Variants in TIAM1 observed in about 807,000 individuals in gnomAD.
The protein encoded by TIAM1 is rho guanine nucleotide exchange factor TIAM1.
Under a neutral mutation model 163.5 loss-of-function variants are expected in TIAM1, and 65 were observed. The ratio of observed to expected loss-of-function variants is 0.40; its 90% CI spans 0.33 to 0.49. TIAM1 has a LOEUF of 0.49. TIAM1 is among the 20% of genes least tolerant of loss of function. TIAM1 has a pLI of 0.77. For missense variants in TIAM1, 1,789 were observed against 2,044.7 expected, an observed-to-expected ratio of 0.87 and a Z score of 2.41; for synonymous variants, 833 against 810.1, an observed-to-expected ratio of 1.03 and a Z score of -0.48.
intron 2 of TIAM1, among the ~76,000 whole-genome samples, chr21:31,305,218 G>A (rs1412398336): frequency 6.6e-6 from 1 of 152,124 alleles, no homozygotes; most frequent in Non-Finnish European, 1.5e-5. Flanking sequence ...TATAAACAAT[G>A]TTTTAAATTA....
intron 2 of TIAM1, among the ~76,000 whole-genome samples, chr21:31,369,440 C>T (rs2076558136): frequency 6.6e-6 from 1 of 151,924 alleles, no homozygotes; most frequent in Admixed American, 6.6e-5. Context: ...GGAAAGGTTG[C>T]TTAACAGATA....
chr21:31,478,025 G>A (rs1338801247), intron 1 of TIAM1, among the ~76,000 whole-genome samples: 2 of 152,206 alleles, frequency 1.3e-5, no homozygotes, highest in East Asian at 1.9e-4. Flanking sequence ...CAGTGCATGC[G>A]CACAGGTGAT....
intron 1 of TIAM1, among the ~76,000 whole-genome samples, chr21:31,483,106 C>T (rs1246249419): frequency 6.6e-6 from 1 of 152,206 alleles, no homozygotes; most frequent in African/African-American, 2.4e-5. Flanking sequence ...GGCTGTCTCT[C>T]TGGCTCCTTC....
At chr21:31,426,024 C>T (rs551145899) in intron 2 of TIAM1, among the ~76,000 whole-genome samples, 1 of 152,198 alleles carries the variant, frequency 6.6e-6, no homozygotes, top group African/African-American at 2.4e-5. Context: ...TAAACCACCG[C>T]GCCCAGACCA....
chr21:31,246,543 C>T (rs188338633), intron 5 of TIAM1, among the ~76,000 whole-genome samples: 3 of 150,968 alleles, frequency 2.0e-5, no homozygotes, highest in Non-Finnish European at 2.9e-5. Context: ...ATAAGCTGTC[C>T]GTCCATTTTC....
intron 1 of TIAM1, among the ~76,000 whole-genome samples, chr21:31,511,284 C>T (rs189891374): frequency 2.8e-4 from 42 of 152,342 alleles, no homozygotes; most frequent in Non-Finnish European, 5.9e-4. Flanking sequence ...AAGGTTCAGA[C>T]CTCTTGAGGC....
Position 31,165,017 on chromosome 21 carries a change from T to C in TIAM1, c.2936A>G (p.Glu979Gly). The change falls in exon 16 of 28, where the codon GAG becomes GGG. Residue 979 changes from glutamate (E) to glycine (G), a missense_variant. Transcript: ENST00000541036. Reference protein sequence around the residue: ...EQGSSAETAPEETEGPDLESS... With the variant: ...EQGSSAETAPGETEGPDLESS... ...TTCCAAGTCTGGCCCCTCGGTCTCC[T>C]CTGGAGCGGTCTCAGCACTGCTGCC... is the stretch of plus-strand genomic sequence containing the variant. 1 of 1,614,190 alleles carries C rather than the reference T, an allele frequency of 6.2e-7. No homozygotes were observed. The highest frequency in any genetic ancestry group is 2.2e-5 in the East Asian group (1 of 44,882).
At chr21:31,512,617 CT>C (rs35338359) in intron 1 of TIAM1, among the ~76,000 whole-genome samples, 79 of 121,742 alleles carry the variant, frequency 6.5e-4, no homozygotes, top group Non-Finnish European at 6.8e-4. Context: ...TTTTTCTTTT[CT>C]TTTTTTTTTT....
intron 1 of TIAM1, among the ~76,000 whole-genome samples, chr21:31,528,178 G>C (rs1425318267): frequency 6.6e-6 from 1 of 152,174 alleles, no homozygotes; most frequent in African/African-American, 2.4e-5. Context: ...TTCCAGGGAA[G>C]AGGCAGCACT....
intron 1 of TIAM1, among the ~76,000 whole-genome samples, chr21:31,524,404 C>T (rs1480524012): frequency 6.6e-6 from 1 of 152,098 alleles, no homozygotes; most frequent in Non-Finnish European, 1.5e-5. Flanking sequence ...AAGAGGGATC[C>T]GCCCCCACAA....
At chr21:31,144,868 A>G (rs1170315886) in intron 20 of TIAM1, among the ~76,000 whole-genome samples, 1 of 151,418 alleles carries the variant, frequency 6.6e-6, no homozygotes, top group Non-Finnish European at 1.5e-5. Flanking sequence ...GAAAAGAAAA[A>G]TATGGGTCAT....
chr21:31,558,599 G>T (rs969661464), intron 1 of TIAM1, among the ~76,000 whole-genome samples: 1 of 152,134 alleles, frequency 6.6e-6, no homozygotes, highest in Non-Finnish European at 1.5e-5. Context: ...TCCTGCTGCC[G>T]AGAGGACCGA....
chr21:31,147,019 A>G lies in TIAM1; in HGVS notation c.3367-16T>C. ...ACAGCACTTTCTGGATTTGACGAGA[A>G]AAGGCACAGTTGGTTGTTTCCTTCC... On this transcript the variant is annotated splice_polypyrimidine_tract_variant and intron_variant, in intron 19 of 27. Coordinates refer to ENST00000541036, the MANE Select transcript of TIAM1 (RefSeq NM_001353694.2). 4.4e-6 allele frequency: 7 copies of G among 1,608,486 alleles called. No individual in the cohort carries two copies. The highest frequency in any genetic ancestry group is 6.0e-6 in the Non-Finnish European group (7 of 1,175,090).
rs1312349357 is a variant in TIAM1 at position 31,141,104 on chromosome 21, A to T, written c.3774+14T>A. On this transcript the variant is annotated intron_variant, in intron 22 of 27. Coordinates refer to ENST00000541036, the MANE Select transcript of TIAM1 (RefSeq NM_001353694.2). This position sits in a 1 kb window ranked among gnomAD's most constrained non-coding sequence, Gnocchi z 4.7. ...CTTTCCTGACAGATGTCCTGAGAAGATGGGGACCCTCACCTCTTTTTTCTC... is the reference window on the plus strand; with the variant it reads ...CTTTCCTGACAGATGTCCTGAGAAGTTGGGGACCCTCACCTCTTTTTTCTC... 1 of 1,601,186 alleles carries T rather than the reference A, an allele frequency of 6.2e-7. No homozygotes were observed. Among genetic ancestry groups the T allele is most frequent in the Non-Finnish European group, 8.5e-7 (1 of 1,171,562 alleles).
chr21:31,359,605 T>C (rs893844790), intron 2 of TIAM1, among the ~76,000 whole-genome samples: 3 of 151,876 alleles, frequency 2.0e-5, no homozygotes, highest in Non-Finnish European at 4.4e-5. Flanking sequence ...CCAGCCAACA[T>C]AGTGAAATCC....
chr21:31,144,434 C>T (rs888857041), intron 20 of TIAM1, among the ~76,000 whole-genome samples: 3 of 152,244 alleles, frequency 2.0e-5, no homozygotes, highest in Non-Finnish European at 2.9e-5. Flanking sequence ...AGTCCAGGAG[C>T]GTCACTCCTC....
At chr21:31,532,918 C>G (rs959007855) in intron 1 of TIAM1, among the ~76,000 whole-genome samples, 2 of 152,152 alleles carry the variant, frequency 1.3e-5, no homozygotes, top group Non-Finnish European at 2.9e-5. Context: ...TACACTCCAG[C>G]CTGGGCAACA....
chr21:31,177,778 G>C (rs535409539), intron 15 of TIAM1, among the ~76,000 whole-genome samples: 3 of 152,292 alleles, frequency 2.0e-5, no homozygotes, highest in South Asian at 2.1e-4. Flanking sequence ...TACTCACTCA[G>C]GGTCCTTAAG....
intron 20 of TIAM1, among the ~76,000 whole-genome samples, chr21:31,144,500 T>C (rs1194612378): frequency 2.0e-5 from 3 of 151,898 alleles, no homozygotes; most frequent in Non-Finnish European, 4.4e-5. Flanking sequence ...GTTCTCAGAG[T>C]TATCCTGACA....
Sources: gnomAD v4.1 joint callset for allele counts (sites outside exome capture counted in the v4.1 genomes callset) on GRCh38, gnomAD v4.1.1 for gene constraint, Gnocchi (gnomAD v3.1) non-coding constraint, MANE v1.5 for transcripts, NCBI Gene and HGNC (gene_info 2026-07-23, HGNC 2026-07-21) for gene names.